Variants in PHACTR1 observed in about 807,000 individuals in gnomAD.
PHACTR1 encodes the protein phosphatase and actin regulator 1, also known as RPEL repeat containing 1.
A neutral mutation model predicts 69.2 loss-of-function variants in PHACTR1; 16 were observed. The ratio of observed to expected loss-of-function variants is 0.23; its 90% confidence interval spans 0.16 to 0.35. The LOEUF (loss-of-function observed/expected upper bound fraction) is 0.35, where lower values mean the gene tolerates loss of function less well. PHACTR1 is among the 10% of genes least tolerant of loss of function. The pLI is 1.00. For synonymous variants in PHACTR1, 312 were observed against 284.5 expected (o/e 1.10, Z -0.97); for missense variants, 510 against 734.7 (o/e 0.69, Z 3.54).
At chr6:13,071,767 T>C (rs1378135364) in intron 5 of PHACTR1, among the ~76,000 whole-genome samples, 1 of 152,212 alleles carries the variant, frequency 6.6e-6, no homozygotes, top group Non-Finnish European at 1.5e-5. Flanking sequence ...GGGGTTTACC[T>C]TCTCTGAAAA....
intron 3 of PHACTR1, among the ~76,000 whole-genome samples, chr6:12,733,400 A>G (rs558855976): frequency 6.6e-6 from 1 of 152,328 alleles, no homozygotes; most frequent in Admixed American, 6.5e-5. Flanking sequence ...ATTGCCCCCA[A>G]TTTATAAGAA....
Position 12,865,457 on chromosome 6 carries a change from GGTGT to G in PHACTR1, c.250+115687_250+115690del, listed in dbSNP as rs34729979. Among the ~76,000 whole-genome samples, 431 of 149,756 alleles carry G rather than the reference GGTGT, an allele frequency of 2.9e-3. 4 individuals are homozygous for G. Among genetic ancestry groups the G allele is most frequent in the African/African-American group, 9.4e-3 (381 of 40,716 alleles). Reference sequence around the variant, plus strand: ...TGAGATACCATGTAATTGTTTAATGGGTGTGTGTGTGTGTGTGTGTGTGCCTGCG... The same window carrying G: ...TGAGATACCATGTAATTGTTTAATGGGTGTGTGTGTGTGTGTGTGCCTGCG... On this transcript the variant is annotated intron_variant, in intron 4 of 14. Transcript: ENST00000332995.
chr6:13,119,640 G>A (rs1583442905), intron 5 of PHACTR1, among the ~76,000 whole-genome samples: 1 of 152,300 alleles, frequency 6.6e-6, no homozygotes, highest in African/African-American at 2.4e-5. Context: ...CTACTGAGGA[G>A]GAGGTTCAGA....
chr6:12,749,093 T>C (rs1157885485), intron 3 of PHACTR1, among the ~76,000 whole-genome samples: 2 of 152,296 alleles, frequency 1.3e-5, no homozygotes, highest in East Asian at 1.9e-4. Context: ...ACCCCAGAAG[T>C]AGTAACTCCA....
At chr6:13,278,229 T>G in intron 11 of PHACTR1, 39 bp from the exon 12 acceptor site, 1 of 1,547,406 alleles carries the variant, frequency 6.5e-7, no homozygotes, top group Non-Finnish European at 8.8e-7. Flanking sequence ...CACAACACTG[T>G]TTACTGAAAT....
chr6:13,053,022 A>C (rs1235340892), intron 4 of PHACTR1, among the ~76,000 whole-genome samples: 1 of 152,214 alleles, frequency 6.6e-6, no homozygotes, highest in Admixed American at 6.5e-5. Flanking sequence ...TTGCCGGACC[A>C]GTAGTTACAC....
chr6:13,084,913 A>C (rs1486945050), intron 5 of PHACTR1, among the ~76,000 whole-genome samples: 3 of 152,156 alleles, frequency 2.0e-5, no homozygotes, highest in Non-Finnish European at 4.4e-5. Flanking sequence ...GGATAAAGAA[A>C]ACTTTATCAT....
chr6:12,955,930 G>A (rs1245492942), intron 4 of PHACTR1, among the ~76,000 whole-genome samples: 5 of 152,194 alleles, frequency 3.3e-5, no homozygotes, highest in African/African-American at 1.2e-4. Context: ...AGGGGGGTAT[G>A]TGGATAGATA....
At chr6:12,723,116 T>C (rs1270325309) in intron 3 of PHACTR1, among the ~76,000 whole-genome samples, 2 of 152,152 alleles carry the variant, frequency 1.3e-5, no homozygotes, top group Non-Finnish European at 2.9e-5. Context: ...ATGGACATTA[T>C]AGGCCAGGGA....
chr6:12,936,258 G>A lies in PHACTR1; in HGVS notation c.251-117107G>A, dbSNP rs544113854. 9.2e-5 allele frequency among the ~76,000 whole-genome samples: 14 copies of A among 152,132 alleles called. No individual in the cohort carries two copies. The East Asian group carries it at 2.7e-3, about 29-fold the overall frequency. On this transcript the variant is annotated intron_variant, in intron 4 of 14. Coordinates refer to ENST00000332995, the MANE Select transcript of PHACTR1 (RefSeq NM_030948.6). ...AATTTCTTTATTCAGAATCAAACAT[G>A]GATCTGGAGTTGTGCTAGCCACCTA...
At chr6:12,751,584 C>T (rs1189422915) in intron 4 of PHACTR1, among the ~76,000 whole-genome samples, 1 of 152,162 alleles carries the variant, frequency 6.6e-6, no homozygotes, top group Non-Finnish European at 1.5e-5. Flanking sequence ...AAGTGCTAAA[C>T]AAGAGTTTCA....
intron 7 of PHACTR1, among the ~76,000 whole-genome samples, chr6:13,195,310 A>G (rs1252388482): frequency 1.3e-5 from 2 of 152,200 alleles, no homozygotes; most frequent in African/African-American, 2.4e-5. Context: ...TAAAGGAGAT[A>G]AGTAATTCCA....
chr6:13,286,125 A>T, intron 13 of PHACTR1, 21 bp from the exon 14 acceptor site: 1 of 1,584,570 alleles, frequency 6.3e-7, no homozygotes, highest in East Asian at 2.2e-5. Flanking sequence ...TTGCACATTG[A>T]TGGGCTTCTG....
chr6:13,207,674 G>T (rs931948822), intron 8 of PHACTR1, among the ~76,000 whole-genome samples: 4 of 152,180 alleles, frequency 2.6e-5, no homozygotes, highest in African/African-American at 7.2e-5. Context: ...GGGCTCTGAG[G>T]CACATTGCTT....
At chr6:13,067,971 G>C (rs1808913853) in intron 5 of PHACTR1, among the ~76,000 whole-genome samples, 1 of 152,188 alleles carries the variant, frequency 6.6e-6, no homozygotes, top group African/African-American at 2.4e-5. Context: ...TCTTGGCCAA[G>C]TTTTTTGTGT....
intron 13 of PHACTR1, among the ~76,000 whole-genome samples, chr6:13,284,613 G>T (rs1000449072): frequency 1.5e-5 from 2 of 135,474 alleles, no homozygotes; most frequent in Non-Finnish European, 3.0e-5. Flanking sequence ...TAATGATTCT[G>T]CCCAATGTGT....
At chr6:12,821,483 A>AAG (rs138381209) in intron 4 of PHACTR1, among the ~76,000 whole-genome samples, 1 of 95,864 alleles carries the variant, frequency 1.0e-5, no homozygotes. Context: ...AAAAAAAAAA[A>AAG]AGAGAGAGAG....
At chr6:12,951,142 G>A (rs992067998) in intron 4 of PHACTR1, among the ~76,000 whole-genome samples, 3 of 152,216 alleles carry the variant, frequency 2.0e-5, no homozygotes, top group Admixed American at 1.3e-4. Context: ...TTGGCAGGGA[G>A]GAAGGTAATA....
At chr6:13,136,680 A>G (rs1415778865) in intron 5 of PHACTR1, among the ~76,000 whole-genome samples, 1 of 151,294 alleles carries the variant, frequency 6.6e-6, no homozygotes, top group Non-Finnish European at 1.5e-5. Context: ...AGATAATGCG[A>G]CTCCTCCTTT....
Sources: allele counts gnomAD v4.1 joint callset (sites outside exome capture counted in the v4.1 genomes callset), GRCh38; gene constraint gnomAD v4.1.1; transcripts MANE v1.5; gene names NCBI Gene and HGNC (gene_info 2026-07-23, HGNC 2026-07-21).